Variants in GAK observed in about 807,000 individuals in gnomAD.
The protein encoded by GAK is cyclin G associated kinase, also known as cyclin-G-associated kinase.
In GAK, 79 loss-of-function variants were observed where a neutral mutation model predicts 143.9. That is an observed-to-expected ratio of 0.55 (90% confidence interval 0.46 to 0.66). GAK has a LOEUF of 0.66. GAK is among the 30% of genes least tolerant of loss of function. The pLI, the probability that GAK is intolerant of heterozygous loss-of-function variation, is 0.00. For missense variants in GAK, 1,693 were observed against 1,779.7 expected (o/e 0.95, Z 0.88); for synonymous variants, 881 against 765.5 (o/e 1.15, Z -2.49).
chr4:915,317 G>C (rs1171075949), intron 1 of GAK, among the ~76,000 whole-genome samples: 1 of 152,136 alleles, frequency 6.6e-6, no homozygotes, highest in Admixed American at 6.5e-5. Flanking sequence ...AATAACCTAA[G>C]AACAGAGGTC....
chr4:903,715 GC>G (rs201334252), intron 5 of GAK, among the ~76,000 whole-genome samples: 37,795 of 137,014 alleles, frequency 0.28, 4,945 homozygotes, highest in African/African-American at 0.35. Context: ...CGGTGGGGGG[GC>G]GGCCGAGGAA....
At chr4:920,307 C>CAA (rs527953136) in intron 1 of GAK, among the ~76,000 whole-genome samples, 9 of 119,688 alleles carry the variant, frequency 7.5e-5, no homozygotes, top group East Asian at 4.9e-4. Flanking sequence ...AAGTCCATCT[C>CAA]AAAAAAAAAA....
At chr4:858,779 G>A (rs575476200) in intron 24 of GAK, among the ~76,000 whole-genome samples, 3 of 152,276 alleles carry the variant, frequency 2.0e-5, no homozygotes, top group African/African-American at 4.8e-5. Flanking sequence ...ATCCAACGCC[G>A]ACACCTGCTC....
At chr4:928,425 G>C (rs1725181925) in intron 1 of GAK, among the ~76,000 whole-genome samples, 1 of 152,216 alleles carries the variant, frequency 6.6e-6, no homozygotes, top group Non-Finnish European at 1.5e-5. Flanking sequence ...AGCACTCTGG[G>C]AGGCCTAGGC....
intron 1 of GAK, among the ~76,000 whole-genome samples, chr4:914,538 ACACACACAGCCCCAGCGTGCACGGCCCCC>A (rs1722713348): frequency 1.1e-5 from 1 of 87,090 alleles, no homozygotes; most frequent in Non-Finnish European, 2.2e-5. Flanking sequence ...GCACGGCCAC[ACACACACAGCCCCAGCGTGCACGGCCCCC>A]CACACACAGC....
chr4:929,675 C>T (rs1014677574), intron 1 of GAK, among the ~76,000 whole-genome samples: 1 of 136,658 alleles, frequency 7.3e-6, no homozygotes, highest in Non-Finnish European at 1.6e-5. Context: ...AGCAAGACCT[C>T]GTCTCTTAAA....
rs1227609160 is a variant in GAK, at chr4:882,036, C to T, written c.1532G>A (p.Gly511Glu). 1.2e-6 allele frequency: 2 copies of T among 1,603,882 alleles called. No homozygotes were observed. Among genetic ancestry groups the T allele is most frequent in the African/African-American group, 1.3e-5 (1 of 74,786 alleles). The change falls in exon 15 of 28, where the codon GGG becomes GAG. Residue 511 changes from glycine to glutamate, a missense_variant. This residue lies in a region of GAK where 871 missense variants were observed against 991.0 expected (regional missense o/e 0.88). Transcript: ENST00000314167. The stretch of plus-strand genomic sequence containing the variant: ...GACGGCCACAGCAGACGCGGCTCTC[C>T]CGTCCTAGGACAGACAGACACGTCT... ...KNVCVVHCMDGRAASAVAVCS... is the reference protein window; with the variant it reads ...KNVCVVHCMDERAASAVAVCS...
intron 18 of GAK, among the ~76,000 whole-genome samples, chr4:874,987 G>C (rs1252461825): frequency 6.6e-6 from 1 of 152,030 alleles, no homozygotes; most frequent in Non-Finnish European, 1.5e-5. Context: ...CCTTCATTTC[G>C]GCTGTAATAT....
intron 15 of GAK, among the ~76,000 whole-genome samples, chr4:878,387 TGACA>T (rs1054008542): frequency 6.6e-6 from 1 of 152,262 alleles, no homozygotes; most frequent in African/African-American, 2.4e-5. Flanking sequence ...CACTGTGGCC[TGACA>T]GCATAGTTTG....
rs78306404 is a variant in GAK, at chr4:884,202, C to T, written c.1206-116G>A. ...GCCGTGGGGCTCTCACTGTAGAGGC[C>T]GCATCCCAGGAGGAACGTGTGTGTG... On this transcript the variant is annotated intron_variant, in intron 11 of 27. Transcript: ENST00000314167. 6,258 of 840,674 alleles carry T rather than the reference C, an allele frequency of 7.4e-3. 40 individuals are homozygous for T. Among genetic ancestry groups the T allele is most frequent in the Non-Finnish European group, 9.6e-3 (4,913 of 512,494 alleles). The allele number at this position is 840,674 out of a possible 1,614,324, so 52.1% of individuals were successfully genotyped here. A position where few individuals can be genotyped will look rare whatever the true frequency, so the allele number is the denominator to read the frequency against.
At chr4:863,493 T>C (rs1325541910) in intron 23 of GAK, among the ~76,000 whole-genome samples, 1 of 152,120 alleles carries the variant, frequency 6.6e-6, no homozygotes, top group South Asian at 2.1e-4. Flanking sequence ...CTGCGTGCCA[T>C]AGGGAACCTT....
chr4:852,090 C>T lies in GAK; in HGVS notation c.3284-116G>A, dbSNP rs184983128. 99 of 909,684 alleles carry T rather than the reference C, an allele frequency of 1.1e-4. No individual in the cohort carries two copies. The East Asian group carries it at 1.6e-3, about 15-fold the overall frequency. 56.4% of individuals were successfully genotyped at this position (909,684 alleles called of 1,614,324 possible). On this transcript the variant is annotated intron_variant, in intron 24 of 27. Transcript: ENST00000314167. ...AACATGCGCTTGCAAAATAGAACAC[C>T]GATCACTCGAGGCCGTCCAGAGGTG...
At chr4:885,431 C>T (rs1278203036) in intron 11 of GAK, among the ~76,000 whole-genome samples, 1 of 152,198 alleles carries the variant, frequency 6.6e-6, no homozygotes, top group Non-Finnish European at 1.5e-5. Flanking sequence ...CGGCAGGCAG[C>T]GGCAAGCACA....
At chr4:881,109 C>T (rs1418869104) in intron 15 of GAK, among the ~76,000 whole-genome samples, 5 of 152,224 alleles carry the variant, frequency 3.3e-5, no homozygotes, top group African/African-American at 1.2e-4. Context: ...GGCCTCCTGA[C>T]CCTCGCCCCG....
At chr4:894,366 C>T (rs79881735) in intron 7 of GAK, 5,201 of 200,986 alleles carry the variant, frequency 0.026, 107 homozygotes, top group Non-Finnish European at 0.04. Flanking sequence ...ACGTCGGAGC[C>T]GTGGGGAGCG....
rs1726024908 is a variant in GAK at position 932,265 on chromosome 4, T to TCAGCAAC, written c.-85_-79dup. ...CCGCTCCCTCGCCGTCCGGGTCAGC[T>TCAGCAAC]CAGCAACCGCCGGCCCGGAGGTGCA... On this transcript the variant is annotated 5_prime_UTR_variant, in exon 1 of 28. The change abolishes the stop of an existing upstream ORF in the 5' untranslated region. Coordinates refer to ENST00000314167, the MANE Select transcript of GAK (RefSeq NM_005255.4). The surrounding 1 kb of genome is among the most constrained non-coding windows in gnomAD (Gnocchi z 4.0). 1.9e-5 allele frequency: 27 copies of TCAGCAAC among 1,427,046 alleles called. No homozygotes were observed. Among genetic ancestry groups the TCAGCAAC allele is most frequent in the Non-Finnish European group, 2.5e-5 (27 of 1,098,632 alleles). The allele number at this position is 1,427,046 out of a possible 1,614,324, so 88.4% of individuals were successfully genotyped here.
chr4:881,551 C>A (rs17165130), intron 15 of GAK, among the ~76,000 whole-genome samples: 21,480 of 152,290 alleles, frequency 0.14, 1,912 homozygotes, highest in Middle Eastern at 0.3. Context: ...CATGTCTGAG[C>A]AGCGTCAGGT....
intron 4 of GAK, among the ~76,000 whole-genome samples, chr4:906,304 T>C (rs1005341795): frequency 6.6e-6 from 1 of 152,146 alleles, no homozygotes; most frequent in Non-Finnish European, 1.5e-5. Context: ...AAGTGAACAC[T>C]CAGTGTCCTC....
chr4:866,812 C>G, intron 21 of GAK, 144 bp downstream of exon 21: 1 of 716,600 alleles, frequency 1.4e-6, no homozygotes, highest in South Asian at 1.9e-5. Context: ...CTGACATGAC[C>G]CCGAGGCTGC....
Sources: allele counts gnomAD v4.1 joint callset (sites outside exome capture counted in the v4.1 genomes callset), GRCh38; gene constraint gnomAD v4.1.1; regional missense constraint gnomAD v4.1.1; non-coding constraint Gnocchi (gnomAD v3.1); transcripts MANE v1.5; gene names NCBI Gene and HGNC (gene_info 2026-07-23, HGNC 2026-07-21).